The following GLIS1 variants were observed in gnomAD, a reference collection of about 807,000 sequenced individuals.
The protein encoded by GLIS1 is GLIS family zinc finger 1.
GLIS1 carries 24 observed loss-of-function variants against 63.8 expected under a neutral mutation model. The ratio of observed to expected loss-of-function variants is 0.38; its 90% CI spans 0.27 to 0.53. The LOEUF is 0.53. Among genes scored for constraint, GLIS1 ranks in the 20% least tolerant of loss-of-function variants. The probability of loss-of-function intolerance (pLI) is 0.85; values close to 1 mark genes in which losing one functional copy is unlikely to be tolerated. For missense variants in GLIS1, 1,036 were observed against 1,074.1 expected, an observed-to-expected ratio of 0.96 and a Z score of 0.50; for synonymous variants, 450 against 482.5, an observed-to-expected ratio of 0.93 and a Z score of 0.88.
intron 4 of GLIS1, among the ~76,000 whole-genome samples, chr1:53,580,271 C>A (rs2100493127): frequency 6.6e-6 from 1 of 152,332 alleles, no homozygotes; most frequent in Non-Finnish European, 1.5e-5. Context: ...GCTGGAGCCC[C>A]AGGCCGCTGC....
At chr1:53,675,408 C>A (rs561552901) in intron 2 of GLIS1, among the ~76,000 whole-genome samples, 5 of 152,174 alleles carry the variant, frequency 3.3e-5, no homozygotes, top group Non-Finnish European at 5.9e-5. Context: ...GTGCTCTGCT[C>A]GTGCCCTTGC....
intron 10 of GLIS1, among the ~76,000 whole-genome samples, chr1:53,506,979 C>T (rs895688681): frequency 2.0e-5 from 3 of 152,068 alleles, no homozygotes. Flanking sequence ...GCACCCTGGG[C>T]CTGGCACACC....
chr1:53,512,819 T>G (rs897924587), intron 8 of GLIS1, among the ~76,000 whole-genome samples: 5 of 152,062 alleles, frequency 3.3e-5, no homozygotes, highest in African/African-American at 1.2e-4. Flanking sequence ...GCGAACGGCC[T>G]TCGTGGTTTA....
At chr1:53,527,144 C>G (rs892279011) in intron 5 of GLIS1, among the ~76,000 whole-genome samples, 1 of 152,236 alleles carries the variant, frequency 6.6e-6, no homozygotes, top group Admixed American at 6.5e-5. Flanking sequence ...TGCCCAAGAT[C>G]CCACAGCGGG....
intron 2 of GLIS1, among the ~76,000 whole-genome samples, chr1:53,654,474 C>T (rs1334219452): frequency 6.6e-6 from 1 of 152,140 alleles, no homozygotes. Flanking sequence ...ACAGGCAAGT[C>T]TGAGTTCCGG....
intron 2 of GLIS1, among the ~76,000 whole-genome samples, chr1:53,681,604 G>T (rs1467581078): frequency 1.3e-5 from 2 of 152,226 alleles, no homozygotes; most frequent in Non-Finnish European, 2.9e-5. Flanking sequence ...CAGGGGACTG[G>T]ACTTCCTGCA....
chr1:53,586,877 G>T (rs1446816757), intron 4 of GLIS1, among the ~76,000 whole-genome samples: 1 of 152,208 alleles, frequency 6.6e-6, no homozygotes, highest in African/African-American at 2.4e-5. Flanking sequence ...CTCTGTCCTA[G>T]GGAGGGGACT....
At chr1:53,522,356 G>C (rs1396285861) in intron 6 of GLIS1, among the ~76,000 whole-genome samples, 2 of 152,248 alleles carry the variant, frequency 1.3e-5, no homozygotes, top group Admixed American at 1.3e-4. Context: ...CGGGGGCTCA[G>C]TGCGAGCCAA....
Position 53,529,791 on chromosome 1 carries a change from C to G in GLIS1, c.1482G>C (p.Thr494=). 1.2e-6 allele frequency: 2 copies of G among 1,610,732 alleles called. No individual in the cohort carries two copies. The highest frequency in any genetic ancestry group is 1.7e-6 in the Non-Finnish European group (2 of 1,179,652). Residue 494 remains threonine (T), a splice_region_variant and synonymous_variant, in exon 5 of 11, where the codon ACG becomes ACC. Coordinates refer to ENST00000628545, the MANE Select transcript of GLIS1 (RefSeq NM_001367484.1). ...RAKHQRTHLD[T]KPYACQIPGC... ...CTGGGCCTCTGCCTGTTGGGCCTACCGTGTCTAGGTGGGTGCGCTGGTGCT... is the reference window on the plus strand; with the variant it reads ...CTGGGCCTCTGCCTGTTGGGCCTACGGTGTCTAGGTGGGTGCGCTGGTGCT...
At chr1:53,556,880 GAT>G (rs1644839857) in intron 4 of GLIS1, among the ~76,000 whole-genome samples, 2 of 132,744 alleles carry the variant, frequency 1.5e-5, no homozygotes, top group African/African-American at 5.8e-5. Flanking sequence ...TGTGTATGCA[GAT>G]GTGTGTGTGC....
At chr1:53,700,200 C>T (rs1163574182) in intron 2 of GLIS1, among the ~76,000 whole-genome samples, 4 of 152,154 alleles carry the variant, frequency 2.6e-5, no homozygotes, top group African/African-American at 4.8e-5. Context: ...AACCAGCAGA[C>T]GATGGAGTAG....
chr1:53,719,599 C>T (rs929548500), intron 2 of GLIS1, among the ~76,000 whole-genome samples: 1 of 152,134 alleles, frequency 6.6e-6, no homozygotes, highest in Non-Finnish European at 1.5e-5. Context: ...ACACGTAGTC[C>T]TAGTGGTGCA....
Position 53,543,476 on chromosome 1 carries a change from C to G in GLIS1, c.1321-13524G>C, listed in dbSNP as rs529424818. On this transcript the variant is annotated intron_variant, in intron 4 of 10. Coordinates refer to ENST00000628545, the MANE Select transcript of GLIS1 (RefSeq NM_001367484.1). The stretch of plus-strand genomic sequence containing the variant: ...AGTGAGAGCAGCAGTGGGAATGGAG[C>G]CAGGGTTGAGGAATGAGCCCAGGGC... Among the ~76,000 whole-genome samples the G allele has an allele frequency of 2.6e-5, 4 of 151,952 alleles. No homozygotes were observed. The South Asian group carries it at 8.3e-4, about 32-fold the overall frequency.
At chr1:53,584,904 G>A (rs938476403) in intron 4 of GLIS1, among the ~76,000 whole-genome samples, 1 of 152,186 alleles carries the variant, frequency 6.6e-6, no homozygotes, top group East Asian at 1.9e-4. Flanking sequence ...CAGTTACGAA[G>A]TTTGCCATTT....
chr1:53,724,526 A>G (rs1016703785), intron 2 of GLIS1, among the ~76,000 whole-genome samples: 1 of 152,070 alleles, frequency 6.6e-6, no homozygotes, highest in African/African-American at 2.4e-5. Context: ...ATGATCTTTT[A>G]TTTTATTTTG....
At chr1:53,708,237 C>T (rs1156323480) in intron 2 of GLIS1, among the ~76,000 whole-genome samples, 2 of 151,780 alleles carry the variant, frequency 1.3e-5, no homozygotes, top group Non-Finnish European at 2.9e-5. Context: ...GAGCCGAGAT[C>T]GCATCACTGC....
intron 2 of GLIS1, among the ~76,000 whole-genome samples, chr1:53,604,121 C>G (rs1356918675): frequency 1.3e-5 from 2 of 152,240 alleles, no homozygotes; most frequent in Non-Finnish European, 2.9e-5. Flanking sequence ...AGGCCTAGCT[C>G]ACAGTTAGTG....
At chr1:53,711,233 C>G (rs1235441890) in intron 2 of GLIS1, among the ~76,000 whole-genome samples, 2 of 152,118 alleles carry the variant, frequency 1.3e-5, no homozygotes, top group Non-Finnish European at 2.9e-5. Flanking sequence ...CATCCAAGGC[C>G]ACACCAAGCG....
intron 2 of GLIS1, among the ~76,000 whole-genome samples, chr1:53,630,533 T>C (rs1645640765): frequency 6.6e-6 from 1 of 152,084 alleles, no homozygotes; most frequent in African/African-American, 2.4e-5. Flanking sequence ...TCTCACTCTG[T>C]TGCCCAGGCT....
Sources: gnomAD v4.1 joint callset for allele counts (sites outside exome capture counted in the v4.1 genomes callset) on GRCh38, gnomAD v4.1.1 for gene constraint, MANE v1.5 for transcripts, NCBI Gene and HGNC (gene_info 2026-07-23, HGNC 2026-07-21) for gene names.